CHST9: variants seen among roughly 807,000 people sequenced by gnomAD.
CHST9 encodes carbohydrate sulfotransferase 9.
Under a neutral mutation model 44.4 loss-of-function variants are expected in CHST9, and 41 were observed. That is an observed-to-expected ratio of 0.92 (90% CI 0.72 to 1.20). The LOEUF (loss-of-function observed/expected upper bound fraction) is 1.20. Ranked by LOEUF, CHST9 falls within the 50% of genes most tolerant of loss-of-function variation. CHST9 has a pLI of 0.00. For synonymous variants in CHST9, 171 were observed against 178.4 expected (o/e 0.96, Z 0.33); for missense variants, 504 against 516.5 (o/e 0.98, Z 0.23).
chr18:26,989,249 G>A (rs1299543900), intron 4 of CHST9, among the ~76,000 whole-genome samples: 1 of 152,018 alleles, frequency 6.6e-6, no homozygotes, highest in African/African-American at 2.4e-5. Context: ...ACAAACCGTA[G>A]AATAAAGAAA....
intron 2 of CHST9, among the ~76,000 whole-genome samples, chr18:27,074,401 G>A (rs77489688): frequency 0.045 from 6,791 of 152,140 alleles, 466 homozygotes; most frequent in African/African-American, 0.15. Context: ...CTATAAAAAT[G>A]TTTCAAGTTA....
rs1231206056 is a variant in CHST9 at position 26,917,018 on chromosome 18, C to T, written c.573G>A (p.Gly191=). ...AAAGATGTGACTGATGATGACTCACCCCACCGTATTTCTTGCAAAACTCCT... is the reference window on the plus strand; with the variant it reads ...AAAGATGTGACTGATGATGACTCACTCCACCGTATTTCTTGCAAAACTCCT... ...FLQEFCKKYG[G]VSHHQSHLFH... Residue 191 remains glycine (G), a synonymous_variant, in exon 6 of 6, where the codon GGG becomes GGA. Coordinates refer to ENST00000618847, the MANE Select transcript of CHST9 (RefSeq NM_031422.6). 1 of 1,613,718 alleles carries T rather than the reference C, an allele frequency of 6.2e-7. No homozygotes were observed. The highest frequency in any genetic ancestry group is 1.3e-5 in the African/African-American group (1 of 74,866).
At chr18:26,996,585 T>A (rs2056890406) in intron 4 of CHST9, among the ~76,000 whole-genome samples, 1 of 152,176 alleles carries the variant, frequency 6.6e-6, no homozygotes, top group Admixed American at 6.5e-5. Flanking sequence ...CAAACTCCAT[T>A]GGCTGGAGAG....
chr18:27,052,566 C>G (rs1168374555), intron 2 of CHST9, among the ~76,000 whole-genome samples: 1 of 152,092 alleles, frequency 6.6e-6, no homozygotes, highest in Non-Finnish European at 1.5e-5. Flanking sequence ...TGTGACACTA[C>G]ATCTCTAGCT....
chr18:27,062,170 T>G (rs1029143903), intron 2 of CHST9, among the ~76,000 whole-genome samples: 6 of 152,150 alleles, frequency 3.9e-5, no homozygotes, highest in African/African-American at 1.4e-4. Context: ...TTCTTTTTTT[T>G]TATTATTATA....
intron 4 of CHST9, among the ~76,000 whole-genome samples, chr18:27,011,388 G>A (rs571286083): frequency 5.9e-4 from 90 of 152,270 alleles, no homozygotes; most frequent in African/African-American, 2.1e-3. Flanking sequence ...GCAGGGCCGT[G>A]AGCGGAAGGT....
At chr18:27,016,944 T>C (rs965731576) in intron 4 of CHST9, among the ~76,000 whole-genome samples, 2 of 152,184 alleles carry the variant, frequency 1.3e-5, no homozygotes, top group African/African-American at 4.8e-5. Flanking sequence ...AATCATATGT[T>C]CTGCCTCCCT....
At chr18:27,041,731 T>C (rs1463940229) in intron 3 of CHST9, among the ~76,000 whole-genome samples, 1 of 152,152 alleles carries the variant, frequency 6.6e-6, no homozygotes, top group Non-Finnish European at 1.5e-5. Flanking sequence ...TGTTACACGA[T>C]AAAATTTAAG....
chr18:27,022,086 C>T (rs1462426461), intron 4 of CHST9, among the ~76,000 whole-genome samples: 1 of 152,180 alleles, frequency 6.6e-6, no homozygotes, highest in Non-Finnish European at 1.5e-5. Context: ...TTATGAAGTT[C>T]TCTGACCTAT....
At chr18:27,127,847 G>A (rs2058438239) in intron 2 of CHST9, among the ~76,000 whole-genome samples, 1 of 152,196 alleles carries the variant, frequency 6.6e-6, no homozygotes. Flanking sequence ...AGGCATGAAG[G>A]TGGAAATAAG....
chr18:27,017,842 C>T (rs2057173094), intron 4 of CHST9, among the ~76,000 whole-genome samples: 1 of 152,064 alleles, frequency 6.6e-6, no homozygotes, highest in Admixed American at 6.6e-5. Flanking sequence ...AATTGTATTA[C>T]TGAACACTGT....
chr18:26,964,578 G>T (rs2056440907), intron 4 of CHST9, among the ~76,000 whole-genome samples: 1 of 152,238 alleles, frequency 6.6e-6, no homozygotes, highest in Non-Finnish European at 1.5e-5. Flanking sequence ...AAACAGGTAT[G>T]CCTCTGTATT....
At chr18:27,176,244 G>A (rs2058867012) in intron 1 of CHST9, among the ~76,000 whole-genome samples, 1 of 152,114 alleles carries the variant, frequency 6.6e-6, no homozygotes, top group African/African-American at 2.4e-5. Flanking sequence ...AGTGTTATCC[G>A]TGGTTGCAAG....
intron 2 of CHST9, among the ~76,000 whole-genome samples, chr18:27,084,728 A>G (rs1169029674): frequency 6.6e-6 from 1 of 151,734 alleles, no homozygotes; most frequent in African/African-American, 2.4e-5. Flanking sequence ...GTATTCCCAC[A>G]TCCCATGTGA....
intron 4 of CHST9, among the ~76,000 whole-genome samples, chr18:26,947,947 C>T (rs1273934540): frequency 2.0e-5 from 3 of 152,144 alleles, no homozygotes; most frequent in African/African-American, 4.8e-5. Context: ...CACATGCGAA[C>T]GTATGTTTAT....
At chr18:27,053,225 G>GA (rs2057600193) in intron 2 of CHST9, among the ~76,000 whole-genome samples, 2 of 49,218 alleles carry the variant, frequency 4.1e-5, no homozygotes, top group Admixed American at 2.0e-4. Context: ...AGAGGAAGAA[G>GA]AAGAAGAAGA....
chr18:27,115,695 T>C (rs2058313685), intron 2 of CHST9, among the ~76,000 whole-genome samples: 1 of 152,190 alleles, frequency 6.6e-6, no homozygotes, highest in South Asian at 2.1e-4. Context: ...TATTTTTTTG[T>C]AGAGATGGGG....
At chr18:26,928,776 G>A (rs1481946251) in intron 5 of CHST9, among the ~76,000 whole-genome samples, 2 of 152,182 alleles carry the variant, frequency 1.3e-5, no homozygotes, top group Non-Finnish European at 2.9e-5. Context: ...TGCAGGGCGA[G>A]TTCTGGCAAT....
intron 4 of CHST9, among the ~76,000 whole-genome samples, chr18:27,020,282 G>C (rs1483906348): frequency 6.6e-6 from 1 of 152,262 alleles, no homozygotes; most frequent in Non-Finnish European, 1.5e-5. Context: ...CTGTGGGGTT[G>C]AGGGTAGTAA....
Sources: gnomAD v4.1 joint callset for allele counts (sites outside exome capture counted in the v4.1 genomes callset) on GRCh38, gnomAD v4.1.1 for gene constraint, MANE v1.5 for transcripts, NCBI Gene and HGNC (gene_info 2026-07-23, HGNC 2026-07-21) for gene names.